Variants in RAD51B observed in about 807,000 individuals in gnomAD.
The protein encoded by RAD51B is DNA repair protein RAD51 homolog 2.
RAD51B carries 38 observed loss-of-function variants against 42.2 expected under a neutral mutation model. That is an observed-to-expected ratio of 0.90 (90% CI 0.70 to 1.18). RAD51B has a LOEUF of 1.18. Ranked by LOEUF, RAD51B falls within the 50% of genes most tolerant of loss-of-function variation. RAD51B has a pLI of 0.00. For missense variants in RAD51B, 373 were observed against 400.7 expected, an observed-to-expected ratio of 0.93 and a Z score of 0.59; for synonymous variants, 154 against 145.2, an observed-to-expected ratio of 1.06 and a Z score of -0.43.
intron 7 of RAD51B, among the ~76,000 whole-genome samples, chr14:68,072,288 A>G (rs973018967): frequency 6.7e-6 from 1 of 149,360 alleles, no homozygotes; most frequent in Non-Finnish European, 1.5e-5. Context: ...TAAGCATTAT[A>G]TATATATAGG....
intron 7 of RAD51B, among the ~76,000 whole-genome samples, chr14:68,190,181 A>G (rs1465625458): frequency 1.2e-5 from 1 of 85,758 alleles, no homozygotes; most frequent in African/African-American, 3.8e-5. Flanking sequence ...TTGATTCAAC[A>G]AAAGAGTTTA....
chr14:68,576,232 G>A (rs1023254153), intron 10 of RAD51B, among the ~76,000 whole-genome samples: 1 of 152,222 alleles, frequency 6.6e-6, no homozygotes, highest in Admixed American at 6.5e-5. Context: ...TAGAGGCAAA[G>A]GAAGCTGGTG....
chr14:68,114,028 C>G (rs1386727158), intron 7 of RAD51B: 1 of 152,096 alleles, frequency 6.6e-6, no homozygotes, highest in Admixed American at 6.6e-5. Flanking sequence ...GAGTTTCTCT[C>G]TAGTATGAAT....
intron 4 of RAD51B, among the ~76,000 whole-genome samples, chr14:67,861,259 A>G (rs1047746464): frequency 2.6e-5 from 4 of 152,162 alleles, no homozygotes; most frequent in African/African-American, 9.7e-5. Context: ...CTATAATGAG[A>G]TGAGAAGTGA....
intron 3 of RAD51B, among the ~76,000 whole-genome samples, chr14:67,829,117 C>T (rs1282097769): frequency 6.6e-6 from 1 of 152,174 alleles, no homozygotes; most frequent in East Asian, 1.9e-4. Flanking sequence ...TATCCATGAG[C>T]ATAGAATGTT....
At chr14:68,190,843 C>G (rs896033222) in intron 7 of RAD51B, among the ~76,000 whole-genome samples, 4 of 152,148 alleles carry the variant, frequency 2.6e-5, no homozygotes, top group African/African-American at 9.7e-5. Context: ...TAGAAGCTAG[C>G]ATTTTATCCC....
intron 10 of RAD51B, among the ~76,000 whole-genome samples, chr14:68,488,312 A>G (rs1447754980): frequency 1.3e-5 from 2 of 149,990 alleles, no homozygotes; most frequent in Non-Finnish European, 2.9e-5. Context: ...AGGCAGTTGT[A>G]GGGACTGACA....
intron 10 of RAD51B, among the ~76,000 whole-genome samples, chr14:68,551,462 AG>A (rs1888567698): frequency 6.6e-6 from 1 of 152,202 alleles, no homozygotes; most frequent in Non-Finnish European, 1.5e-5. Flanking sequence ...GCTTTTGCTT[AG>A]GCTGTTCCCC....
In RAD51B at chr14:67,912,866, C is replaced by T. The variant is rs547461115; in HGVS notation, c.756+25662C>T. Among the ~76,000 whole-genome samples the T allele has an allele frequency of 1.1e-4, 17 of 151,982 alleles. 1 individual carries two copies. The South Asian group carries it at 2.3e-3, about 20-fold the overall frequency. ...GACTACAGGTGCCTGCCACCATGCC[C>T]GGCTAATTTTTGTATTTTTAGTGGA... On this transcript the variant is annotated intron_variant, in intron 7 of 10. Coordinates refer to ENST00000471583, the MANE Select transcript of RAD51B (RefSeq NM_133510.4).
intron 8 of RAD51B, among the ~76,000 whole-genome samples, chr14:68,397,079 G>T (rs1243977469): frequency 6.6e-6 from 1 of 152,188 alleles, no homozygotes; most frequent in Non-Finnish European, 1.5e-5. Context: ...TGTATGTAAG[G>T]TGTTTAGCCT....
chr14:68,570,667 A>T (rs1889650136), intron 10 of RAD51B, among the ~76,000 whole-genome samples: 1 of 152,208 alleles, frequency 6.6e-6, no homozygotes, highest in Admixed American at 6.5e-5. Context: ...TCCAGCCCCC[A>T]TCCCCATTTT....
At chr14:67,979,783 A>G (rs1041476043) in intron 7 of RAD51B, among the ~76,000 whole-genome samples, 3 of 152,156 alleles carry the variant, frequency 2.0e-5, no homozygotes, top group African/African-American at 7.2e-5. Flanking sequence ...TGGAAACACT[A>G]TCTTCTATAT....
At chr14:68,081,107 A>G (rs759134271) in intron 7 of RAD51B, among the ~76,000 whole-genome samples, 2 of 152,216 alleles carry the variant, frequency 1.3e-5, no homozygotes, top group African/African-American at 2.4e-5. Flanking sequence ...GTTAGGCGCT[A>G]ACAATTATAA....
At chr14:68,517,215 AAAGGG>A (rs769067834) in intron 10 of RAD51B, among the ~76,000 whole-genome samples, 29 of 127,262 alleles carry the variant, frequency 2.3e-4, no homozygotes, top group African/African-American at 3.9e-4. Flanking sequence ...CAAAGAAAAG[AAAGGG>A]AAGGGAAGGG....
Position 68,425,001 on chromosome 14 carries a change from C to G in RAD51B, c.957+13474C>G, listed in dbSNP as rs1304010998. ...TGTTGCCCAGGCTGGGCTTGAATTC[C>G]TGGTTTCATGTAATCCTCCTGCCTC... On this transcript the variant is annotated intron_variant, in intron 9 of 10. Coordinates refer to ENST00000471583, the MANE Select transcript of RAD51B (RefSeq NM_133510.4). 4.6e-5 allele frequency among the ~76,000 whole-genome samples: 7 copies of G among 152,272 alleles called. No individual in the cohort carries two copies. In the East Asian group the frequency reaches 7.7e-4, roughly 17 times the overall value.
At chr14:67,842,517 G>A (rs950604205) in intron 4 of RAD51B, among the ~76,000 whole-genome samples, 1 of 152,076 alleles carries the variant, frequency 6.6e-6, no homozygotes, top group Non-Finnish European at 1.5e-5. Context: ...CTATAGGCGT[G>A]CACTACCACT....
chr14:68,540,318 GATC>G (rs998167156), intron 10 of RAD51B: 1 of 1,047,012 alleles, frequency 9.6e-7, no homozygotes, highest in African/African-American at 1.7e-5. Flanking sequence ...AACACTGTTG[GATC>G]ATCAGACCTC....
intron 10 of RAD51B, among the ~76,000 whole-genome samples, chr14:68,587,234 G>A (rs1249076779): frequency 6.6e-6 from 1 of 152,158 alleles, no homozygotes; most frequent in East Asian, 1.9e-4. Context: ...TTTTCTGGTT[G>A]TCTTTCTAGC....
At chr14:68,597,412 C>T (rs563078460), downstream of RAD51B, among the ~76,000 whole-genome samples, 1 of 152,302 alleles carries the variant, frequency 6.6e-6, no homozygotes, top group African/African-American at 2.4e-5. Context: ...GACTCCCACC[C>T]TACTCCTGCC....
Sources: allele counts gnomAD v4.1 joint callset (sites outside exome capture counted in the v4.1 genomes callset), GRCh38; gene constraint gnomAD v4.1.1; transcripts MANE v1.5; gene names NCBI Gene and HGNC (gene_info 2026-07-23, HGNC 2026-07-21).